PUS7: variants seen among roughly 807,000 people sequenced by gnomAD.
The protein encoded by PUS7 is pseudouridine synthase 7.
Under a neutral mutation model 79.8 loss-of-function variants are expected in PUS7, and 48 were observed. The ratio of observed to expected loss-of-function variants is 0.60; its 90% confidence interval spans 0.48 to 0.76. PUS7 has a LOEUF of 0.76. Among genes scored for constraint, PUS7 ranks in the 30% least tolerant of loss-of-function variants. The pLI is 0.00. For synonymous variants in PUS7, 286 were observed against 272.2 expected, an observed-to-expected ratio of 1.05 and a Z score of -0.50; for missense variants, 729 against 797.6, an observed-to-expected ratio of 0.91 and a Z score of 1.04.
intron 10 of PUS7, among the ~76,000 whole-genome samples, 200 bp from the exon 11 acceptor site, chr7:105,471,048 A>G (rs928468334): frequency 6.6e-6 from 1 of 152,240 alleles, no homozygotes; most frequent in South Asian, 2.1e-4. Context: ...GTCAACATAC[A>G]ATCACCCTCA....
At chr7:105,476,657 A>G (rs1031685718) in intron 9 of PUS7, among the ~76,000 whole-genome samples, 1 of 152,138 alleles carries the variant, frequency 6.6e-6, no homozygotes, top group Non-Finnish European at 1.5e-5. Flanking sequence ...CGCCTGGCCT[A>G]TAATTAATTT....
At chr7:105,462,536 C>T (rs984321422) in intron 14 of PUS7, 85 bp downstream of exon 14, 57 of 1,397,100 alleles carry the variant, frequency 4.1e-5, no homozygotes, top group Non-Finnish European at 5.3e-5. Flanking sequence ...AATTCTTGTG[C>T]AGTACATGAC....
At position 105,514,694 on chromosome 7, in the gene PUS7, G is replaced by A. The variant is rs181988795; in HGVS notation, c.-32-6150C>T. Among the ~76,000 whole-genome samples the A allele has an allele frequency of 3.5e-4, 53 of 152,296 alleles. No individual in the cohort carries two copies. In the East Asian group the frequency reaches 8.7e-3, roughly 25 times the overall value. ...ACTTTTTAAGCCTTGAGAGAGATGTGACTATGATCTGAGTCACATATGGTT... is the reference window on the plus strand; with the variant it reads ...ACTTTTTAAGCCTTGAGAGAGATGTAACTATGATCTGAGTCACATATGGTT... On this transcript the variant is annotated intron_variant, in intron 1 of 15. Coordinates refer to ENST00000469408, the MANE Select transcript of PUS7 (RefSeq NM_019042.5).
intron 12 of PUS7, among the ~76,000 whole-genome samples, chr7:105,465,897 C>T (rs1721530332): frequency 2.0e-5 from 3 of 152,094 alleles, no homozygotes; most frequent in African/African-American, 7.2e-5. Flanking sequence ...GTGGCTCACG[C>T]CTGTAATCCC....
chr7:105,470,973 C>A, intron 10 of PUS7, 125 bp from the exon 11 acceptor site: 1 of 1,046,016 alleles, frequency 9.6e-7, no homozygotes, highest in Non-Finnish European at 1.3e-6. Flanking sequence ...CTGTTTATAG[C>A]TACCACTCAT....
chr7:105,473,568 G>A (rs1353835577), intron 9 of PUS7, among the ~76,000 whole-genome samples: 2 of 152,146 alleles, frequency 1.3e-5, no homozygotes, highest in African/African-American at 2.4e-5. Flanking sequence ...ACAGGCTTGC[G>A]CCACCATGCC....
intron 1 of PUS7, among the ~76,000 whole-genome samples, chr7:105,521,735 G>A (rs1220610251): frequency 6.6e-6 from 1 of 152,208 alleles, no homozygotes; most frequent in African/African-American, 2.4e-5. Context: ...GGGGCCCCCG[G>A]GGGACAGCGC....
chr7:105,485,989 C>T (rs1010030163), intron 7 of PUS7, among the ~76,000 whole-genome samples: 2 of 151,458 alleles, frequency 1.3e-5, no homozygotes, highest in African/African-American at 2.4e-5. Flanking sequence ...CTGGGATTAC[C>T]GGCGTGAGCC....
At chr7:105,482,286 C>A in intron 8 of PUS7, 26 bp downstream of exon 8, 2 of 1,609,594 alleles carry the variant, frequency 1.2e-6, no homozygotes, top group South Asian at 2.2e-5. Flanking sequence ...ACCCTCTGGT[C>A]TACATTCCCA....
At chr7:105,467,667 G>A (rs80023159) in intron 12 of PUS7, among the ~76,000 whole-genome samples, 11 of 151,866 alleles carry the variant, frequency 7.2e-5, no homozygotes, top group East Asian at 3.9e-4. Flanking sequence ...TCGAAGTTTC[G>A]AAAGTGATTT....
intron 4 of PUS7, 143 bp from the exon 5 acceptor site, chr7:105,502,707 T>C (rs1406303272): frequency 9.3e-6 from 9 of 967,160 alleles, no homozygotes; most frequent in African/African-American, 1.7e-5. Flanking sequence ...AAAAATCTTT[T>C]ATTTTTATTT....
intron 14 of PUS7, among the ~76,000 whole-genome samples, chr7:105,461,111 C>T (rs1823408956): frequency 6.6e-6 from 1 of 152,116 alleles, no homozygotes; most frequent in African/African-American, 2.4e-5. Flanking sequence ...AAGTGATCCT[C>T]CCACCTTGGG....
intron 7 of PUS7, among the ~76,000 whole-genome samples, chr7:105,490,844 G>A (rs1824751865): frequency 6.6e-6 from 1 of 152,178 alleles, no homozygotes; most frequent in Non-Finnish European, 1.5e-5. Flanking sequence ...GGGAATATCT[G>A]ACAATGCCTA....
intron 1 of PUS7, among the ~76,000 whole-genome samples, chr7:105,511,221 G>C (rs1407856576): frequency 6.6e-6 from 1 of 151,048 alleles, no homozygotes; most frequent in Non-Finnish European, 1.5e-5. Context: ...TTTTAGTAGA[G>C]ACGGGGCTTC....
At position 105,506,199 on chromosome 7, in the gene PUS7, A is replaced by G. The variant is rs1162516314; in HGVS notation, c.473T>C (p.Val158Ala). The G allele has an allele frequency of 6.2e-7, 1 of 1,610,834 alleles. No individual in the cohort carries two copies. The highest frequency in any genetic ancestry group is 8.5e-7 in the Non-Finnish European group (1 of 1,178,480). ...ISHLNDLSIPVDEEDPSEDIF... is the reference protein window; with the variant it reads ...ISHLNDLSIPADEEDPSEDIF... Reference sequence around the variant, plus strand: ...AAGAGCTACTTCTACCTCCTCATCCACTGGAATGGACAAGTCATTCAAATG... The same window carrying G: ...AAGAGCTACTTCTACCTCCTCATCCGCTGGAATGGACAAGTCATTCAAATG... Residue 158 changes from valine (V) to alanine (A), a missense_variant, in exon 3 of 16, where the codon GTG (valine) becomes GCG (alanine). Val to Ala is a moderately conservative substitution (Grantham distance 64). Transcript: ENST00000469408.
intron 13 of PUS7, among the ~76,000 whole-genome samples, chr7:105,463,365 C>A (rs920557940): frequency 6.6e-6 from 1 of 152,230 alleles, no homozygotes; most frequent in African/African-American, 2.4e-5. Flanking sequence ...AGTGGATTAA[C>A]TGTCTTCTTC....
At chr7:105,516,291 C>G (rs1012773503) in intron 1 of PUS7, among the ~76,000 whole-genome samples, 15 of 152,156 alleles carry the variant, frequency 9.9e-5, no homozygotes, top group African/African-American at 3.6e-4. Flanking sequence ...TTTTAAATCA[C>G]TTAATATATA....
At chr7:105,477,158 A>G (rs1255107369) in intron 9 of PUS7, among the ~76,000 whole-genome samples, 1 of 152,194 alleles carries the variant, frequency 6.6e-6, no homozygotes, top group Non-Finnish European at 1.5e-5. Context: ...GACATATCCA[A>G]TATCATGAAT....
rs757831844 is a variant in PUS7, at chr7:105,457,847, T to C, written c.1929A>G (p.Leu643=). ...TYATMAIREV[L]KMDTSIKNQT... is the part of the protein sequence containing the mutation. The stretch of plus-strand genomic sequence containing the variant: ...GGTTCTTGATACTGGTATCCATTTT[T>C]AGCACTTCTCGAATGGCCATGGTGG... Residue 643 remains leucine, a synonymous_variant, in exon 16 of 16, where the codon CTA becomes CTG. Coordinates refer to ENST00000469408, the MANE Select transcript of PUS7 (RefSeq NM_019042.5). 6.2e-7 allele frequency: 1 copy of C among 1,614,164 alleles called. No homozygotes were observed. The highest frequency in any genetic ancestry group is 8.5e-7 in the Non-Finnish European group (1 of 1,180,014).
Sources: gnomAD v4.1 joint callset for allele counts (sites outside exome capture counted in the v4.1 genomes callset) on GRCh38, gnomAD v4.1.1 for gene constraint, MANE v1.5 for transcripts, NCBI Gene and HGNC (gene_info 2026-07-23, HGNC 2026-07-21) for gene names.